ERC2: variants seen among roughly 807,000 people sequenced by gnomAD.
The protein encoded by ERC2 is ERC protein 2.
ERC2 carries 42 observed loss-of-function variants against 114.8 expected under a neutral mutation model. That is an observed-to-expected ratio of 0.37 (90% CI 0.29 to 0.47). The LOEUF is 0.47. Ranked by LOEUF, ERC2 falls within the 20% of genes least tolerant of loss-of-function variation. The probability of loss-of-function intolerance (pLI) is 0.99; values close to 1 mark genes in which losing one functional copy is unlikely to be tolerated. For synonymous variants in ERC2, 454 were observed against 425.5 expected (o/e 1.07, Z -0.82); for missense variants, 939 against 1,150.7 (o/e 0.82, Z 2.66).
intron 2 of ERC2, among the ~76,000 whole-genome samples, chr3:56,364,207 A>G (rs572949000): frequency 1.9e-4 from 29 of 152,330 alleles, no homozygotes; most frequent in African/African-American, 6.5e-4. Flanking sequence ...GACTCAAAAA[A>G]GTAAATTGAA....
chr3:56,406,960 T>C (rs1418406859), intron 2 of ERC2, among the ~76,000 whole-genome samples: 1 of 152,220 alleles, frequency 6.6e-6, no homozygotes, highest in Non-Finnish European at 1.5e-5. Context: ...GGCTTTTCTA[T>C]ATCATCTTCC....
chr3:56,387,025 G>A (rs560026605), intron 2 of ERC2, among the ~76,000 whole-genome samples: 2 of 152,220 alleles, frequency 1.3e-5, no homozygotes, highest in African/African-American at 4.8e-5. Context: ...TACTTTCAAT[G>A]GCAAAAACTG....
intron 17 of ERC2, among the ~76,000 whole-genome samples, chr3:55,590,466 C>T (rs2057818762): frequency 6.6e-6 from 1 of 152,334 alleles, no homozygotes; most frequent in South Asian, 2.1e-4. Context: ...TCACTGCAGC[C>T]TTCTTAAAAA....
intron 3 of ERC2, among the ~76,000 whole-genome samples, chr3:56,175,007 A>G: frequency 6.6e-6 from 1 of 151,982 alleles, no homozygotes; most frequent in Non-Finnish European, 1.5e-5. Context: ...GGACATGTTA[A>G]TGTAAAAGCT....
chr3:55,832,075 G>GTTA (rs2060627741), intron 14 of ERC2, among the ~76,000 whole-genome samples: 1 of 152,242 alleles, frequency 6.6e-6, no homozygotes, highest in African/African-American at 2.4e-5. Flanking sequence ...CATTGCCCAG[G>GTTA]CTTACTTAGG....
At chr3:56,013,925 G>A (rs1403390691) in intron 8 of ERC2, among the ~76,000 whole-genome samples, 2 of 152,088 alleles carry the variant, frequency 1.3e-5, no homozygotes, top group African/African-American at 4.8e-5. Context: ...GATGCATACT[G>A]GAATACTTAG....
At chr3:55,520,122 T>C (rs535779544) in intron 17 of ERC2, among the ~76,000 whole-genome samples, 1 of 150,624 alleles carries the variant, frequency 6.6e-6, no homozygotes, top group Non-Finnish European at 1.5e-5. Context: ...CCTGGAAAAG[T>C]TTACCGTACC....
intron 2 of ERC2, among the ~76,000 whole-genome samples, chr3:56,304,351 T>A (rs938313054): frequency 2.0e-5 from 3 of 152,192 alleles, no homozygotes; most frequent in Non-Finnish European, 4.4e-5. Context: ...GTCAAGAAAA[T>A]GGACAAACGA....
chr3:55,949,435 C>T (rs1469716242), intron 13 of ERC2, among the ~76,000 whole-genome samples: 1 of 151,882 alleles, frequency 6.6e-6, no homozygotes, highest in Non-Finnish European at 1.5e-5. Flanking sequence ...CACTCCAAAT[C>T]AAGCATCAAT....
At chr3:56,263,379 T>G (rs1215152085) in intron 3 of ERC2, among the ~76,000 whole-genome samples, 1 of 146,790 alleles carries the variant, frequency 6.8e-6, no homozygotes, top group Non-Finnish European at 1.5e-5. Context: ...AAAAAAGCCA[T>G]GAGAATCACC....
intron 13 of ERC2, among the ~76,000 whole-genome samples, chr3:55,915,620 T>C (rs2065049847): frequency 2.0e-5 from 3 of 152,192 alleles, no homozygotes; most frequent in African/African-American, 7.2e-5. Context: ...CATGGATCCT[T>C]ATGGATGTCA....
chr3:55,827,966 C>T (rs1288088757), intron 14 of ERC2, among the ~76,000 whole-genome samples: 1 of 152,220 alleles, frequency 6.6e-6, no homozygotes, highest in Non-Finnish European at 1.5e-5. Flanking sequence ...TCAGCACGTC[C>T]ATCGCCACTG....
intron 14 of ERC2, among the ~76,000 whole-genome samples, chr3:55,790,593 A>C (rs1483715639): frequency 6.6e-6 from 1 of 152,198 alleles, no homozygotes; most frequent in Non-Finnish European, 1.5e-5. Flanking sequence ...AGCGGAAGGA[A>C]AATGGAGGGT....
intron 1 of ERC2, among the ~76,000 whole-genome samples, chr3:56,445,670 C>A (rs775282430): frequency 1.3e-5 from 2 of 152,164 alleles, no homozygotes; most frequent in Non-Finnish European, 2.9e-5. Flanking sequence ...ACAGCCCCCG[C>A]CTCCCCTCTT....
At chr3:56,104,896 T>C (rs1008393954) in intron 6 of ERC2, among the ~76,000 whole-genome samples, 10 of 152,144 alleles carry the variant, frequency 6.6e-5, no homozygotes, top group African/African-American at 1.9e-4. Context: ...AATTAGGTTA[T>C]ATAGAACGCT....
intron 17 of ERC2, among the ~76,000 whole-genome samples, chr3:55,624,288 G>A (rs568306778): frequency 1.3e-5 from 2 of 152,306 alleles, no homozygotes; most frequent in African/African-American, 4.8e-5. Flanking sequence ...AAACTGCGCA[G>A]GGGGGCCCAT....
intron 2 of ERC2, among the ~76,000 whole-genome samples, chr3:56,409,166 G>C (rs1309803546): frequency 6.6e-6 from 1 of 152,190 alleles, no homozygotes; most frequent in African/African-American, 2.4e-5. Flanking sequence ...CGGCAACCTA[G>C]GGCTTCGCAT....
chr3:56,007,334 G>C lies in ERC2; in HGVS notation c.1921-13C>G. On this transcript the variant is annotated splice_polypyrimidine_tract_variant and intron_variant, in intron 9 of 17. Coordinates refer to ENST00000288221, the MANE Select transcript of ERC2 (RefSeq NM_015576.3). ...CAATTAAACTAGACTGAAAGAGAAA[G>C]AATGTGAGTGAGTAAAACACTGAAA... 1.3e-6 allele frequency: 2 copies of C among 1,588,560 alleles called. No individual in the cohort carries two copies. Among genetic ancestry groups the C allele is most frequent in the South Asian group, 1.1e-5 (1 of 86,964 alleles).
chr3:56,094,652 G>A (rs1330628472), intron 6 of ERC2, among the ~76,000 whole-genome samples: 1 of 152,200 alleles, frequency 6.6e-6, no homozygotes, highest in African/African-American at 2.4e-5. Context: ...CAGCTGTACT[G>A]TATTGAAACA....
Sources: allele counts gnomAD v4.1 joint callset (sites outside exome capture counted in the v4.1 genomes callset), GRCh38; gene constraint gnomAD v4.1.1; transcripts MANE v1.5; gene names NCBI Gene and HGNC (gene_info 2026-07-23, HGNC 2026-07-21).